ZNF341: variants seen among roughly 807,000 people sequenced by gnomAD.
The protein encoded by ZNF341 is zinc finger protein 341.
In ZNF341, 52 loss-of-function variants were observed where a neutral mutation model predicts 87.7. The observed-to-expected ratio is 0.59, with a 90% CI of 0.47 to 0.75. The LOEUF (loss-of-function observed/expected upper bound fraction) is 0.75. Among genes scored for constraint, ZNF341 ranks in the 30% least tolerant of loss-of-function variants. ZNF341 has a pLI of 0.00. For synonymous variants in ZNF341, 459 were observed against 472.7 expected (o/e 0.97, Z 0.38); for missense variants, 977 against 1,145.9 (o/e 0.85, Z 2.13).
intron 12 of ZNF341, among the ~76,000 whole-genome samples, chr20:33,786,661 AATT>A (rs1398341457): frequency 1.3e-5 from 2 of 152,144 alleles, no homozygotes; most frequent in Non-Finnish European, 2.9e-5. Flanking sequence ...GGCTTTTAAA[AATT>A]ATTATTCAAA....
chr20:33,739,920 A>C (rs1038622580), intron 1 of ZNF341, among the ~76,000 whole-genome samples: 1 of 152,092 alleles, frequency 6.6e-6, no homozygotes, highest in Non-Finnish European at 1.5e-5. Context: ...GCTGGAGTGC[A>C]GTGGCAGGAT....
chr20:33,770,112 C>A lies in ZNF341; in HGVS notation c.1442C>A (p.Ala481Asp). 1 of 1,613,794 alleles carries A rather than the reference C, an allele frequency of 6.2e-7. No individual in the cohort carries two copies. Among genetic ancestry groups the A allele is most frequent in the Non-Finnish European group, 8.5e-7 (1 of 1,179,830 alleles). ...QVYKCVVKSC[A>D]QTFPKLDTFL... ...TACAAGTGTGTGGTCAAAAGCTGTG[C>A]CCAGACGTTCCCAAAGCTCGACACA... is the stretch of plus-strand genomic sequence containing the variant. Residue 481 changes from alanine to aspartate, a missense_variant, in exon 10 of 15, where the codon GCC (alanine) becomes GAC (aspartate). By Grantham distance (126) the Ala-to-Asp change is moderately radical. Transcript: ENST00000375200.
chr20:33,748,583 G>T (rs758543287), intron 3 of ZNF341, among the ~76,000 whole-genome samples: 3 of 151,704 alleles, frequency 2.0e-5, no homozygotes, highest in Non-Finnish European at 2.9e-5. Context: ...GCCCAGGCTG[G>T]TCTTGAACTC....
intron 12 of ZNF341, among the ~76,000 whole-genome samples, chr20:33,785,232 G>A (rs2019829052): frequency 1.3e-5 from 2 of 151,984 alleles, no homozygotes; most frequent in South Asian, 2.1e-4. Context: ...ACGACCTATG[G>A]TAAAAAATAC....
At chr20:33,751,311 CAAA>C (rs1013411221) in intron 4 of ZNF341, among the ~76,000 whole-genome samples, 2 of 152,056 alleles carry the variant, frequency 1.3e-5, no homozygotes, top group African/African-American at 4.8e-5. Context: ...ATGATTCTCT[CAAA>C]AGACTCACGG....
Position 33,789,553 on chromosome 20 carries a change from C to T in ZNF341, c.2000C>T (p.Pro667Leu), listed in dbSNP as rs145826138. 5.6e-5 allele frequency: 90 copies of T among 1,613,930 alleles called. 1 individual carries two copies. Among genetic ancestry groups the T allele is most frequent in the South Asian group, 2.1e-4 (19 of 91,088 alleles). ...HTGCSKEFNR[P>L]DKLKAHILSH... ...GGCTGCAGTAAGGAGTTCAACCGGCCGGACAAGCTGAAGGCCCACATCCTC... is the reference window on the plus strand; with the variant it reads ...GGCTGCAGTAAGGAGTTCAACCGGCTGGACAAGCTGAAGGCCCACATCCTC... Residue 667 changes from proline to leucine, a missense_variant, in exon 14 of 15, where the codon CCG becomes CTG. Physicochemically the swap from Pro to Leu is moderately conservative, Grantham distance 98. This residue lies in a region of ZNF341 where 241 missense variants were observed against 335.0 expected (regional missense o/e 0.72). Coordinates refer to ENST00000375200, the MANE Select transcript of ZNF341 (RefSeq NM_001282933.2).
At chr20:33,757,906 T>C (rs1217222271) in intron 6 of ZNF341, among the ~76,000 whole-genome samples, 3 of 152,136 alleles carry the variant, frequency 2.0e-5, no homozygotes, top group African/African-American at 7.2e-5. Context: ...AGGCAAGCAG[T>C]AGTATCTGCC....
chr20:33,747,396 A>C (rs1332395764), intron 3 of ZNF341, among the ~76,000 whole-genome samples: 3 of 136,158 alleles, frequency 2.2e-5, no homozygotes, highest in Non-Finnish European at 4.4e-5. Flanking sequence ...CGGGCGGATC[A>C]CGAGGTCAGG....
At chr20:33,784,887 ATGACAGGC>A in intron 12 of ZNF341, among the ~76,000 whole-genome samples, 1 of 152,226 alleles carries the variant, frequency 6.6e-6, no homozygotes, top group African/African-American at 2.4e-5. Flanking sequence ...AAGTGCTGGG[ATGACAGGC>A]GTGAGGCACT....
At chr20:33,758,037 C>G (rs531666827) in intron 6 of ZNF341, among the ~76,000 whole-genome samples, 1 of 152,160 alleles carries the variant, frequency 6.6e-6, no homozygotes, top group Admixed American at 6.6e-5. Context: ...CCCTTCCTTC[C>G]TTCCACAATG....
chr20:33,762,143 A>G, intron 8 of ZNF341, 88 bp downstream of exon 8: 3 of 1,239,496 alleles, frequency 2.4e-6, no homozygotes, highest in Non-Finnish European at 3.3e-6. Flanking sequence ...CCTTGGGCAA[A>G]CCCCATGACC....
intron 8 of ZNF341, among the ~76,000 whole-genome samples, chr20:33,764,715 G>C (rs1236012917): frequency 1.3e-5 from 2 of 150,234 alleles, no homozygotes; most frequent in Non-Finnish European, 3.0e-5. Flanking sequence ...ATAATATAAA[G>C]ATTGAATATA....
chr20:33,740,193 G>A (rs1368731898), intron 1 of ZNF341, among the ~76,000 whole-genome samples: 1 of 152,130 alleles, frequency 6.6e-6, no homozygotes, highest in East Asian at 1.9e-4. Context: ...ACGATCCTAA[G>A]GTTGTCCTTA....
rs185180809 is a variant in ZNF341 at position 33,754,324 on chromosome 20, A to G, written c.741+901A>G. ...TAGGCCATCTACTTGAAATGCACTG[A>G]GTTCATAGAACCTTCCAAGACACCA... On this transcript the variant is annotated intron_variant, in intron 5 of 14. Transcript: ENST00000375200. Among the ~76,000 whole-genome samples the G allele has an allele frequency of 4.0e-3, 611 of 152,244 alleles. 4 individuals carry two copies. The highest frequency in any genetic ancestry group is 6.4e-3 in the Non-Finnish European group (436 of 68,024).
intron 10 of ZNF341, among the ~76,000 whole-genome samples, chr20:33,777,747 G>A (rs769467963): frequency 1.0e-3 from 158 of 152,064 alleles, no homozygotes; most frequent in Non-Finnish European, 2.1e-3. Context: ...ACATGCTTTA[G>A]AGAAAAAGAA....
intron 4 of ZNF341, among the ~76,000 whole-genome samples, chr20:33,749,330 T>G (rs1206293731): frequency 6.6e-6 from 1 of 152,186 alleles, no homozygotes; most frequent in Non-Finnish European, 1.5e-5. Context: ...TCTCACTCTG[T>G]TGCCCAGGCT....
chr20:33,752,117 C>G (rs758732824), intron 4 of ZNF341: 167 of 386,654 alleles, frequency 4.3e-4, no homozygotes, highest in Non-Finnish European at 6.7e-4. Context: ...AGCCCCCCCC[C>G]CTTTTTTTTT....
intron 1 of ZNF341, among the ~76,000 whole-genome samples, chr20:33,736,881 G>A (rs1438735825): frequency 6.6e-6 from 1 of 152,160 alleles, no homozygotes; most frequent in Non-Finnish European, 1.5e-5. Flanking sequence ...ACTGGGGTGA[G>A]TGAGACTGCC....
At chr20:33,777,647 A>G (rs1450975777) in intron 10 of ZNF341, among the ~76,000 whole-genome samples, 1 of 152,038 alleles carries the variant, frequency 6.6e-6, no homozygotes, top group Non-Finnish European at 1.5e-5. Context: ...AAAAAAAAAA[A>G]AAGAAGAAAA....
Sources: gnomAD v4.1 joint callset for allele counts (sites outside exome capture counted in the v4.1 genomes callset) on GRCh38, gnomAD v4.1.1 for gene constraint, gnomAD v4.1.1 regional missense constraint, MANE v1.5 for transcripts, NCBI Gene and HGNC (gene_info 2026-07-23, HGNC 2026-07-21) for gene names.